Variants in GOLGA8T observed in about 807,000 individuals in gnomAD.
GOLGA8T encodes golgin A8 family member T.
A neutral mutation model predicts 52.0 loss-of-function variants in GOLGA8T; 17 were observed. The observed-to-expected ratio is 0.33, with a 90% confidence interval of 0.22 to 0.49. The LOEUF is 0.49. GOLGA8T is among the 20% of genes least tolerant of loss of function. GOLGA8T has a pLI of 0.99. For missense variants in GOLGA8T, 154 were observed against 462.1 expected (o/e 0.33, Z 6.11); for synonymous variants, 67 against 169.5 (o/e 0.40, Z 4.70).
At chr15:30,136,439 C>T (rs1448046341) in intron 1 of GOLGA8T, among the ~76,000 whole-genome samples, 4 of 148,418 alleles carry the variant, frequency 2.7e-5, no homozygotes, top group Non-Finnish European at 6.0e-5. Context: ...AAGAGAAAGG[C>T]TGCCTTCTGC....
intron 8 of GOLGA8T, chr15:30,140,152 C>CGTGTGTGTGCGTGTGTGT (rs2057722202): frequency 2.7e-6 from 1 of 371,066 alleles, no homozygotes; most frequent in Non-Finnish European, 4.9e-6. Flanking sequence ...AACGTGTGTG[C>CGTGTGTGTGCGTGTGTGT]GTGTGTGTGT....
intron 1 of GOLGA8T, 94 bp from the exon 2 acceptor site, chr15:30,136,772 T>A: frequency 1.7e-6 from 1 of 594,470 alleles, no homozygotes; most frequent in Non-Finnish European, 3.0e-6. Context: ...TTAAATCAGA[T>A]GGTGTGTAAG....
In GOLGA8T at chr15:30,141,121, G is replaced by T. The variant is rs2057738531; in HGVS notation, c.765G>T (p.Arg255Ser). The change falls in exon 10 of 19, where the codon AGG becomes AGT. Residue 255 changes from arginine to serine, a missense_variant. Around this residue, in one of 6 missense-constraint regions of GOLGA8T, gnomAD observed 56 missense variants for 134.2 expected, o/e 0.42. Transcript: ENST00000569052. ...GAGAGAGGGCCCGGTGGCAGCAGAG[G>T]ATGAGAAAAATGTCGCAGGAGGTGA... ...LKGERARWQQ[R>S]MRKMSQEICT... 5 of 1,015,798 alleles carry T rather than the reference G, an allele frequency of 4.9e-6. No individual in the cohort carries two copies. Among genetic ancestry groups the T allele is most frequent in the South Asian group, 1.4e-5 (1 of 72,046 alleles). The allele number at this position is 1,015,798 out of a possible 1,614,324, so 62.9% of individuals were successfully genotyped here. A position where few individuals can be genotyped will look rare whatever the true frequency, so the allele number is the denominator to read the frequency against.
At position 30,145,075 on chromosome 15, in the gene GOLGA8T, CTG is replaced by C. The variant is rs760573871; in HGVS notation, c.1564+22_1564+23del. 1.2e-3 allele frequency: 936 copies of C among 773,822 alleles called. 132 individuals are homozygous for C. The highest frequency in any genetic ancestry group is 8.7e-3 in the Middle Eastern group (21 of 2,402). 47.9% of individuals were successfully genotyped at this position (773,822 alleles called of 1,614,324 possible). A position where few individuals can be genotyped will look rare whatever the true frequency, so the allele number is the denominator to read the frequency against. Reference sequence around the variant, plus strand: ...GATGAAGGTAGGGTGTGCAACATCTCTGTGGGGGTGGGGGTGGGGGTGGGTGT... The same window carrying C: ...GATGAAGGTAGGGTGTGCAACATCTCTGGGGGTGGGGGTGGGGGTGGGTGT... On this transcript the variant is annotated intron_variant, in intron 17 of 18. Transcript: ENST00000569052.
chr15:30,142,440 C>A lies in GOLGA8T; in HGVS notation c.1200+58C>A, dbSNP rs1343736611. 2.2e-5 allele frequency: 35 copies of A among 1,582,110 alleles called. 2 individuals carry two copies. The highest frequency in any genetic ancestry group is 1.3e-4 in the South Asian group (12 of 89,646). Reference sequence around the variant, plus strand: ...GAAGGGCTGGGAGGCGGGCAGCAGACTCTGGGGAGGGGAGGTACGAGGCCA... The same window carrying A: ...GAAGGGCTGGGAGGCGGGCAGCAGAATCTGGGGAGGGGAGGTACGAGGCCA... On this transcript the variant is annotated intron_variant, in intron 13 of 18. Transcript: ENST00000569052.
At chr15:30,137,153 G>A (rs1356458131) in intron 2 of GOLGA8T, among the ~76,000 whole-genome samples, 168 bp downstream of exon 2, 30 of 144,708 alleles carry the variant, frequency 2.1e-4, no homozygotes, top group East Asian at 6.1e-4. Flanking sequence ...CAAGGCAGGC[G>A]GATCATGAGG....
chr15:30,142,338 C>T lies in GOLGA8T; in HGVS notation c.1156C>T (p.Gln386Ter). 6.5e-7 allele frequency: 1 copy of T among 1,546,004 alleles called. No homozygotes were observed. Among genetic ancestry groups the T allele is most frequent in the Non-Finnish European group, 8.6e-7 (1 of 1,156,424 alleles). ...EPNNENKNAL[Q>*]LEQQVKELQE... ...GAACAATGAGAACAAGAACGCACTG[C>T]AGTTGGAGCAGCAAGTAAAGGAGCT... The change falls in exon 13 of 19, where the codon CAG (glutamine) becomes TAG (stop). Residue 386 changes from glutamine to a stop codon, truncating the protein, a stop_gained. Transcript: ENST00000569052. LOFTEE classifies it high-confidence loss of function.
Position 30,141,459 on chromosome 15 carries a change from C to A in GOLGA8T, c.874+34C>A, listed in dbSNP as rs771619873. ...GGGCTGGCATGACCTAGGAGCAGGA[C>A]TGGCATCAGAGGGCTGTGAGGGTGG... is the stretch of plus-strand genomic sequence containing the variant. On this transcript the variant is annotated intron_variant, in intron 11 of 18. Coordinates refer to ENST00000569052, the MANE Select transcript of GOLGA8T (RefSeq NM_001355469.2). The A allele has an allele frequency of 8.6e-6, 13 of 1,519,464 alleles. 1 individual carries two copies. Among genetic ancestry groups the A allele is most frequent in the Non-Finnish European group, 1.0e-5 (12 of 1,149,072 alleles). The allele number at this position is 1,519,464 out of a possible 1,614,324, so 94.1% of individuals were successfully genotyped here. A position where few individuals can be genotyped will look rare whatever the true frequency, so the allele number is the denominator to read the frequency against.
chr15:30,148,149 T>C lies in GOLGA8T; in HGVS notation c.*2582T>C, dbSNP rs1317776023. Among the ~76,000 whole-genome samples, 4 of 137,444 alleles carry C rather than the reference T, an allele frequency of 2.9e-5. No homozygotes were observed. The highest frequency in any genetic ancestry group is 7.0e-5 in the Admixed American group (1 of 14,360). The allele number at this position is 137,444 out of a possible 152,430, so 90.2% of individuals were successfully genotyped here. A position where few individuals can be genotyped will look rare whatever the true frequency, so the allele number is the denominator to read the frequency against. ...TATTTGTGCTCTTCCTCATTCAGTA[T>C]AAGGCAGCTTTCAGTTTGCTTAGAA... On this transcript the variant is annotated 3_prime_UTR_variant, in exon 19 of 19. Coordinates refer to ENST00000569052, the MANE Select transcript of GOLGA8T (RefSeq NM_001355469.2).
intron 2 of GOLGA8T, among the ~76,000 whole-genome samples, chr15:30,137,642 G>A (rs1453186463): frequency 2.3e-5 from 3 of 128,942 alleles, no homozygotes; most frequent in South Asian, 2.6e-4. Context: ...CCCAGTCTCA[G>A]GGGGAAACCA....
intron 13 of GOLGA8T, 86 bp downstream of exon 13, chr15:30,142,468 G>A (rs2057758151): frequency 1.9e-6 from 3 of 1,566,192 alleles, no homozygotes; most frequent in Non-Finnish European, 8.6e-7. Flanking sequence ...CGAGGCCAGA[G>A]GCAGCTTCCA....
intron 1 of GOLGA8T, chr15:30,135,809 T>C: frequency 2.9e-6 from 1 of 345,376 alleles, no homozygotes; most frequent in Non-Finnish European, 5.7e-6. Context: ...GCCTTTGATC[T>C]TACGACCCAG....
chr15:30,141,580 AGTCTCAGT>A lies in GOLGA8T; in HGVS notation c.874+167_874+174del, dbSNP rs1199761733. On this transcript the variant is annotated intron_variant, in intron 11 of 18. Coordinates refer to ENST00000569052, the MANE Select transcript of GOLGA8T (RefSeq NM_001355469.2). The stretch of plus-strand genomic sequence containing the variant: ...GACGGCGAGTCTTGTCATCTCAATG[AGTCTCAGT>A]GTCTCAGTGTCCCCATCAGGAAAGA... 3.2e-5 allele frequency among the ~76,000 whole-genome samples: 4 copies of A among 123,684 alleles called. 1 individual carries two copies. The highest frequency in any genetic ancestry group is 5.1e-4 in the South Asian group (2 of 3,896). The allele number at this position is 123,684 out of a possible 152,430, so 81.1% of individuals were successfully genotyped here.
At chr15:30,142,551 G>A (rs1230008483) in intron 13 of GOLGA8T, among the ~76,000 whole-genome samples, 169 bp downstream of exon 13, 1 of 145,822 alleles carries the variant, frequency 6.9e-6, no homozygotes, top group Non-Finnish European at 1.5e-5. Context: ...ACTTTTAAAG[G>A]TGGGTAGCCC....
At chr15:30,140,949 T>A (rs762391563) in intron 9 of GOLGA8T, 21 bp downstream of exon 9, 1 of 1,541,674 alleles carries the variant, frequency 6.5e-7, no homozygotes, top group Admixed American at 1.7e-5. Context: ...CTGAGGGAGT[T>A]ATGTGGAAGG....
Position 30,140,897 on chromosome 15 carries a change from A to C in GOLGA8T, c.647A>C (p.Glu216Ala). Residue 216 changes from glutamate to alanine, a missense_variant, in exon 9 of 19, where the codon GAG (glutamate) becomes GCG (alanine). This residue lies in a region of GOLGA8T where 56 missense variants were observed against 134.2 expected (regional missense o/e 0.42). Transcript: ENST00000569052. ...TGGAAGTTAGAGCAGTCCATGCGGG[A>C]GGAGACACTACTGAAAGTGCAGCTG... ...TEWKLEQSMR[E>A]ETLLKVQLTQ... is the part of the protein sequence containing the mutation. The C allele has an allele frequency of 6.4e-7, 1 of 1,555,230 alleles. No homozygotes were observed. Among genetic ancestry groups the C allele is most frequent in the South Asian group, 1.1e-5 (1 of 87,592 alleles).
At chr15:30,140,971 A>C (rs2057736272) in intron 9 of GOLGA8T, 43 bp downstream of exon 9, 2 of 1,327,652 alleles carry the variant, frequency 1.5e-6, no homozygotes, top group South Asian at 2.5e-5. Context: ...AGATGACCCC[A>C]GGTGGCCAGG....
intron 2 of GOLGA8T, among the ~76,000 whole-genome samples, chr15:30,137,210 T>C (rs1196885655): frequency 2.7e-5 from 4 of 147,618 alleles, no homozygotes; most frequent in African/African-American, 1.0e-4. Context: ...ACCCTGTCTC[T>C]ACTAAAAATA....
chr15:30,144,618 G>C (rs1200273707), intron 15 of GOLGA8T, among the ~76,000 whole-genome samples, 161 bp from the exon 16 acceptor site: 9 of 110,550 alleles, frequency 8.1e-5, no homozygotes, highest in African/African-American at 5.2e-4. Flanking sequence ...GAGCCCCAGG[G>C]CCTGGGGGCG....
Sources: allele counts gnomAD v4.1 joint callset (sites outside exome capture counted in the v4.1 genomes callset), GRCh38; gene constraint gnomAD v4.1.1; regional missense constraint gnomAD v4.1.1; transcripts MANE v1.5; gene names NCBI Gene and HGNC (gene_info 2026-07-23, HGNC 2026-07-21).